TMX2: variants seen among roughly 807,000 people sequenced by gnomAD.
TMX2 encodes the protein thioredoxin related transmembrane protein 2, also known as thioredoxin-related transmembrane protein 2.
TMX2 carries 20 observed loss-of-function variants against 33.4 expected under a neutral mutation model. That is an observed-to-expected ratio of 0.60 (90% CI 0.42 to 0.87). TMX2 has a LOEUF of 0.87. Among genes scored for constraint, TMX2 ranks in the 40% least tolerant of loss-of-function variants. The probability of loss-of-function intolerance (pLI) is 0.00; values close to 1 mark genes in which losing one functional copy is unlikely to be tolerated. For missense variants in TMX2, 340 were observed against 370.7 expected, an observed-to-expected ratio of 0.92 and a Z score of 0.68; for synonymous variants, 166 against 140.7, an observed-to-expected ratio of 1.18 and a Z score of -1.27.
chr11:57,714,220 C>A (rs1286936204), intron 1 of TMX2, among the ~76,000 whole-genome samples: 1 of 152,124 alleles, frequency 6.6e-6, no homozygotes, highest in East Asian at 1.9e-4. Context: ...GCAAAGGATC[C>A]CATTAAACCA....
chr11:57,726,305 C>G (rs887011681), intron 1 of TMX2, among the ~76,000 whole-genome samples: 36 of 151,880 alleles, frequency 2.4e-4, no homozygotes, highest in Admixed American at 8.5e-4. Context: ...CCCAGCTACT[C>G]AGGAGGCTGA....
chr11:57,712,790 C>T lies in TMX2; in HGVS notation c.172C>T (p.Pro58Ser). ...GCCCACCCAACGCGAAGACGGTAAC[C>T]CGTGTGACTTTGACTGGGTGAGCCT... ...GLPTQREDGN[P>S]CDFDWREVEI... The change falls in exon 1 of 8, where the codon CCG becomes TCG. Residue 58 changes from proline (P) to serine (S), a missense_variant. Transcript: ENST00000278422. 2 of 1,614,102 alleles carry T rather than the reference C, an allele frequency of 1.2e-6. No homozygotes were observed. Among genetic ancestry groups the T allele is most frequent in the Non-Finnish European group, 1.7e-6 (2 of 1,180,020 alleles).
rs1311683202 is a variant in TMX2, at chr11:57,738,036, C to G, written c.364+10C>G. 6.4e-7 allele frequency: 1 copy of G among 1,559,038 alleles called. No homozygotes were observed. Among genetic ancestry groups the G allele is most frequent in the East Asian group, 2.2e-5 (1 of 44,460 alleles). ...ATCACACTCTGCATAGGTGAGGAGA[C>G]TGCCTTTCTTTCTTTTTTTTTTTTT... On this transcript the variant is annotated intron_variant, in intron 3 of 7. Transcript: ENST00000278422.
intron 1 of TMX2, among the ~76,000 whole-genome samples, chr11:57,714,894 TA>T (rs199907280): frequency 6.6e-6 from 1 of 152,038 alleles, no homozygotes; most frequent in Admixed American, 6.6e-5. Context: ...TGCGCCAAGC[TA>T]AAAAAGGCCG....
chr11:57,720,541 C>T (rs1947555683), intron 1 of TMX2, among the ~76,000 whole-genome samples: 1 of 152,216 alleles, frequency 6.6e-6, no homozygotes, highest in Non-Finnish European at 1.5e-5. Flanking sequence ...GCTGGGATCA[C>T]AGGCGTGTGC....
At position 57,735,028 on chromosome 11, in the gene TMX2, G is replaced by T. The variant is rs539705115; in HGVS notation, c.190-2580G>T. Among the ~76,000 whole-genome samples the T allele has an allele frequency of 2.0e-5, 3 of 151,734 alleles. No homozygotes were observed. The East Asian group carries it at 5.9e-4, about 30-fold the overall frequency. ...ACCTGTAGTCCCAGCTACTCGGGAGGCTGAGGCAGGAGAATCGGTTGAACC... is the reference window on the plus strand; with the variant it reads ...ACCTGTAGTCCCAGCTACTCGGGAGTCTGAGGCAGGAGAATCGGTTGAACC... On this transcript the variant is annotated intron_variant, in intron 1 of 7. Transcript: ENST00000278422.
chr11:57,724,109 G>A (rs184595535), intron 1 of TMX2, among the ~76,000 whole-genome samples: 57 of 151,928 alleles, frequency 3.8e-4, no homozygotes, highest in Non-Finnish European at 7.1e-4. Context: ...ACTGCTTTAA[G>A]GACAAAATTC....
chr11:57,714,293 C>T (rs1481417725), intron 1 of TMX2, among the ~76,000 whole-genome samples: 3 of 152,156 alleles, frequency 2.0e-5, no homozygotes, highest in South Asian at 4.1e-4. Flanking sequence ...CAGAAGATGG[C>T]ATTGTAGATG....
intron 7 of TMX2, among the ~76,000 whole-genome samples, chr11:57,739,709 AT>A (rs1410699406): frequency 8.6e-5 from 13 of 151,876 alleles, no homozygotes; most frequent in Non-Finnish European, 1.8e-4. Flanking sequence ...GTGAGCTGAG[AT>A]TGCACCATTG....
At chr11:57,730,215 T>C (rs1249257042) in intron 1 of TMX2, among the ~76,000 whole-genome samples, 1 of 150,784 alleles carries the variant, frequency 6.6e-6, no homozygotes, top group Non-Finnish European at 1.5e-5. Context: ...TCACCTGATG[T>C]CAGGAGTTCG....
At chr11:57,716,111 C>G (rs1361013174) in intron 1 of TMX2, among the ~76,000 whole-genome samples, 1 of 152,048 alleles carries the variant, frequency 6.6e-6, no homozygotes, top group South Asian at 2.1e-4. Flanking sequence ...ACCTCCCAGA[C>G]GGGGTGGTGG....
chr11:57,736,987 T>C (rs978242643), intron 1 of TMX2, among the ~76,000 whole-genome samples: 1 of 152,244 alleles, frequency 6.6e-6, no homozygotes, highest in African/African-American at 2.4e-5. Flanking sequence ...CAGCGTCACA[T>C]TGAGTTGATA....
intron 1 of TMX2, among the ~76,000 whole-genome samples, chr11:57,733,404 G>A (rs537174268): frequency 1.4e-4 from 21 of 151,920 alleles, no homozygotes; most frequent in African/African-American, 4.1e-4. Flanking sequence ...ACAGGTGCCC[G>A]CCATCACGCC....
chr11:57,731,638 C>G (rs1421115211), intron 1 of TMX2, among the ~76,000 whole-genome samples: 1 of 152,040 alleles, frequency 6.6e-6, no homozygotes, highest in Non-Finnish European at 1.5e-5. Flanking sequence ...GAGTTTGACT[C>G]TTTTCGTCAA....
chr11:57,736,403 G>A (rs1948753834), intron 1 of TMX2, among the ~76,000 whole-genome samples: 1 of 151,944 alleles, frequency 6.6e-6, no homozygotes, highest in African/African-American at 2.4e-5. Flanking sequence ...ATTTGTGTTG[G>A]ACCCCATTCA....
rs1371723689 is a variant in TMX2, at chr11:57,740,842, A to G, written c.*597A>G. 4 of 152,376 alleles carry G rather than the reference A, an allele frequency of 2.6e-5. No homozygotes were observed. Among genetic ancestry groups the G allele is most frequent in the African/African-American group, 2.4e-5 (1 of 41,476 alleles). The allele number at this position is 152,376 out of a possible 1,614,324, so 9.4% of individuals were successfully genotyped here. The stretch of plus-strand genomic sequence containing the variant: ...TTGTGGGGATTGAGAAGGGGTGAAT[A>G]GAGGCTTGAGACTTTCCTTTGTGTG... On this transcript the variant is annotated 3_prime_UTR_variant, in exon 8 of 8. Transcript: ENST00000278422.
At chr11:57,738,809 G>T in intron 5 of TMX2, 39 bp downstream of exon 5, 2 of 1,580,110 alleles carry the variant, frequency 1.3e-6, no homozygotes, top group East Asian at 2.2e-5. Flanking sequence ...AAATGGAGAT[G>T]CTGTGCCTTC....
chr11:57,729,915 C>A (rs553739580), intron 1 of TMX2, among the ~76,000 whole-genome samples: 3 of 151,848 alleles, frequency 2.0e-5, no homozygotes, highest in Non-Finnish European at 4.4e-5. Context: ...TGAGACCAGC[C>A]TGGCCAACAT....
chr11:57,720,545 C>T (rs964442045), intron 1 of TMX2, among the ~76,000 whole-genome samples: 6 of 152,184 alleles, frequency 3.9e-5, no homozygotes, highest in African/African-American at 1.4e-4. Context: ...GGATCACAGG[C>T]GTGTGCCATC....
Sources: gnomAD v4.1 joint callset for allele counts (sites outside exome capture counted in the v4.1 genomes callset) on GRCh38, gnomAD v4.1.1 for gene constraint, MANE v1.5 for transcripts, NCBI Gene and HGNC (gene_info 2026-07-23, HGNC 2026-07-21) for gene names.